ABLIM1: variants seen among roughly 807,000 people sequenced by gnomAD.
ABLIM1 encodes actin-binding LIM protein 1.
Under a neutral mutation model 107.0 loss-of-function variants are expected in ABLIM1, and 40 were observed. That is an observed-to-expected ratio of 0.37 (90% CI 0.29 to 0.49). The LOEUF is 0.49. ABLIM1 is among the 20% of genes least tolerant of loss of function. The pLI is 0.97. For missense variants in ABLIM1, 857 were observed against 1,008.5 expected (o/e 0.85, Z 2.04); for synonymous variants, 357 against 357.3 (o/e 1.00, Z 0.01).
chr10:114,680,641 C>T (rs977275975), intron 1 of ABLIM1, among the ~76,000 whole-genome samples: 3 of 152,114 alleles, frequency 2.0e-5, no homozygotes, highest in African/African-American at 7.2e-5. Context: ...TTCTAACCAG[C>T]GAGGTCATCT....
intron 6 of ABLIM1, among the ~76,000 whole-genome samples, chr10:114,528,940 C>A (rs924960865): frequency 2.0e-5 from 3 of 152,084 alleles, no homozygotes; most frequent in Non-Finnish European, 2.9e-5. Flanking sequence ...AAGGATGGTA[C>A]CTTTTACCTC....
intron 15 of ABLIM1, among the ~76,000 whole-genome samples, chr10:114,447,072 A>G (rs2061121069): frequency 6.6e-6 from 1 of 152,216 alleles, no homozygotes; most frequent in Non-Finnish European, 1.5e-5. Context: ...ATTTTGGAAA[A>G]TTGAAGGCCT....
At chr10:114,558,079 G>A (rs1182811022) in intron 4 of ABLIM1, among the ~76,000 whole-genome samples, 3 of 152,028 alleles carry the variant, frequency 2.0e-5, no homozygotes, top group Admixed American at 6.6e-5. Flanking sequence ...CTTCTTCCTT[G>A]GCAATAATTG....
intron 1 of ABLIM1, among the ~76,000 whole-genome samples, chr10:114,693,039 G>C (rs1847910260): frequency 6.6e-6 from 1 of 152,188 alleles, no homozygotes; most frequent in Non-Finnish European, 1.5e-5. Flanking sequence ...CCTAACACTG[G>C]CTTTCTGAAA....
intron 6 of ABLIM1, among the ~76,000 whole-genome samples, chr10:114,503,281 T>C (rs1017022233): frequency 2.0e-5 from 3 of 152,020 alleles, no homozygotes; most frequent in African/African-American, 7.3e-5. Context: ...TAAAACCCCA[T>C]CTCTATAAAA....
chr10:114,626,751 T>C (rs969618830), intron 1 of ABLIM1, among the ~76,000 whole-genome samples: 2 of 152,098 alleles, frequency 1.3e-5, no homozygotes, highest in Non-Finnish European at 2.9e-5. Flanking sequence ...GTGGCCCTAT[T>C]TGGAGATAGG....
chr10:114,453,309 A>C (rs771766973), intron 13 of ABLIM1, 70 bp downstream of exon 13: 65 of 1,493,302 alleles, frequency 4.4e-5, no homozygotes, highest in Non-Finnish European at 6.0e-5. Flanking sequence ...GAGATGAGAC[A>C]AGACGAGGTT....
chr10:114,468,260 T>C lies in ABLIM1; in HGVS notation c.1276-44A>G, dbSNP rs2133752509. On this transcript the variant is annotated intron_variant, in intron 10 of 22. Coordinates refer to ENST00000533213, the MANE Select transcript of ABLIM1 (RefSeq NM_002313.7). ...ATTTAAAGTCACAATGTTTGTTAAC[T>C]CTTTGCCGTTTTGTTTGTTTGTTTG... is the stretch of plus-strand genomic sequence containing the variant. 11 of 1,583,648 alleles carry C rather than the reference T, an allele frequency of 6.9e-6. No individual in the cohort carries two copies. In the East Asian group the frequency reaches 2.2e-4, roughly 32 times the overall value.
At chr10:114,469,365 C>T (rs1353773288) in intron 10 of ABLIM1, among the ~76,000 whole-genome samples, 1 of 152,222 alleles carries the variant, frequency 6.6e-6, no homozygotes, top group Non-Finnish European at 1.5e-5. Context: ...TATCATTCAC[C>T]TCTGGCTTCC....
intron 12 of ABLIM1, among the ~76,000 whole-genome samples, chr10:114,461,729 G>C (rs1011918254): frequency 3.3e-5 from 5 of 152,120 alleles, no homozygotes; most frequent in African/African-American, 1.2e-4. Flanking sequence ...TGAGGCATAA[G>C]AATCGCTTGA....
chr10:114,592,869 G>A (rs2075042040), intron 2 of ABLIM1, among the ~76,000 whole-genome samples: 1 of 152,068 alleles, frequency 6.6e-6, no homozygotes, highest in African/African-American at 2.4e-5. Context: ...AGAAGGTTGG[G>A]GTGGGTATGG....
At chr10:114,556,575 T>G (rs1396957513) in intron 4 of ABLIM1, among the ~76,000 whole-genome samples, 1 of 152,182 alleles carries the variant, frequency 6.6e-6, no homozygotes, top group Non-Finnish European at 1.5e-5. Flanking sequence ...TTATGTTATT[T>G]TTGTATAAGA....
chr10:114,529,112 C>T (rs554875991), intron 6 of ABLIM1, among the ~76,000 whole-genome samples: 8 of 151,536 alleles, frequency 5.3e-5, no homozygotes, highest in East Asian at 1.9e-4. Flanking sequence ...TCACTACCCA[C>T]GAGTCTTCAT....
chr10:114,519,279 A>G (rs1320090773), intron 6 of ABLIM1, among the ~76,000 whole-genome samples: 3 of 152,174 alleles, frequency 2.0e-5, no homozygotes, highest in African/African-American at 4.8e-5. Flanking sequence ...ACTAGATTAA[A>G]TCTGTGGAAC....
intron 6 of ABLIM1, among the ~76,000 whole-genome samples, chr10:114,542,596 G>A (rs1193422398): frequency 1.3e-5 from 2 of 150,896 alleles, no homozygotes; most frequent in African/African-American, 4.9e-5. Context: ...GGAGGAAGGA[G>A]GAAGAAGAAG....
chr10:114,716,291 G>T (rs1000524960), intron 1 of ABLIM1, among the ~76,000 whole-genome samples: 19 of 152,016 alleles, frequency 1.2e-4, no homozygotes, highest in Non-Finnish European at 2.1e-4. Context: ...TATCTTTTGC[G>T]GCCAGTGTTT....
intron 2 of ABLIM1, among the ~76,000 whole-genome samples, chr10:114,590,981 A>G (rs530386211): frequency 6.6e-6 from 1 of 152,326 alleles, no homozygotes; most frequent in Non-Finnish European, 1.5e-5. Context: ...AGATTAAATG[A>G]AAGAAAATCA....
At chr10:114,764,037 AG>A (rs1384423942) in intron 1 of ABLIM1, among the ~76,000 whole-genome samples, 1 of 152,200 alleles carries the variant, frequency 6.6e-6, no homozygotes, top group Non-Finnish European at 1.5e-5. Context: ...ATCTGGAATG[AG>A]GCCTGGGAAT....
chr10:114,436,595 G>A (rs2059431746), intron 22 of ABLIM1, among the ~76,000 whole-genome samples: 1 of 152,134 alleles, frequency 6.6e-6, no homozygotes, highest in Admixed American at 6.5e-5. Flanking sequence ...AGTATTAATG[G>A]GGATTATAAT....
Sources: allele counts gnomAD v4.1 joint callset (sites outside exome capture counted in the v4.1 genomes callset), GRCh38; gene constraint gnomAD v4.1.1; transcripts MANE v1.5; gene names NCBI Gene and HGNC (gene_info 2026-07-23, HGNC 2026-07-21).